The following PRELID2 variants were observed in gnomAD, a reference collection of about 807,000 sequenced individuals.
PRELID2 encodes PRELI domain containing 2.
PRELID2 carries 25 observed loss-of-function variants against 28.4 expected under a neutral mutation model. The ratio of observed to expected loss-of-function variants is 0.88; its 90% CI spans 0.64 to 1.23. The LOEUF (loss-of-function observed/expected upper bound fraction) is 1.23. PRELID2 is among the 50% of genes most tolerant of loss of function. The pLI, the probability that PRELID2 is intolerant of heterozygous loss-of-function variation, is 0.00. For synonymous variants in PRELID2, 76 were observed against 71.6 expected (o/e 1.06, Z -0.31); for missense variants, 201 against 214.4 (o/e 0.94, Z 0.39).
chr5:145,632,529 C>A (rs1443768194), intron 1 of PRELID2, among the ~76,000 whole-genome samples: 1 of 152,100 alleles, frequency 6.6e-6, no homozygotes, highest in East Asian at 1.9e-4. Context: ...AATATCATAT[C>A]ACTTGTGACT....
chr5:145,737,866 A>G (rs1413033990), intron 1 of PRELID2, among the ~76,000 whole-genome samples: 1 of 152,168 alleles, frequency 6.6e-6, no homozygotes, highest in Non-Finnish European at 1.5e-5. Flanking sequence ...CCAGCAGGTA[A>G]TGAGCCCCAC....
At chr5:145,337,635 C>T in the PRELID2 span, among the ~76,000 whole-genome samples, 1 of 144,148 alleles carries the variant, frequency 6.9e-6, no homozygotes, top group Non-Finnish European at 1.5e-5. Flanking sequence ...ATTATAAAGG[C>T]TATTTCAAAG....
the PRELID2 span, among the ~76,000 whole-genome samples, chr5:145,352,675 T>C: frequency 6.6e-6 from 1 of 152,158 alleles, no homozygotes; most frequent in Non-Finnish European, 1.5e-5. Context: ...TTCCAGAAAA[T>C]AGGTTTTTCT....
chr5:145,498,866 C>A (rs1456291222), intron 1 of PRELID2, among the ~76,000 whole-genome samples: 1 of 151,722 alleles, frequency 6.6e-6, no homozygotes, highest in Non-Finnish European at 1.5e-5. Context: ...GTATGAGCCA[C>A]CACACCCGGC....
intron 1 of PRELID2, among the ~76,000 whole-genome samples, chr5:145,614,257 C>T (rs1244326274): frequency 1.3e-5 from 2 of 152,184 alleles, no homozygotes; most frequent in South Asian, 2.1e-4. Context: ...TAGTGTGATG[C>T]CTCCAAATTT....
the PRELID2 span, among the ~76,000 whole-genome samples, chr5:145,321,293 A>T: frequency 6.6e-6 from 1 of 152,232 alleles, no homozygotes; most frequent in Non-Finnish European, 1.5e-5. Context: ...ATTAATGAGA[A>T]AACAGTTTTA....
chr5:145,624,716 T>C (rs1581010353), intron 1 of PRELID2, among the ~76,000 whole-genome samples: 1 of 152,138 alleles, frequency 6.6e-6, no homozygotes, highest in Non-Finnish European at 1.5e-5. Context: ...AAAGCACTAA[T>C]TATAAAAGAG....
chr5:145,679,500 G>C (rs1054955004), intron 1 of PRELID2, among the ~76,000 whole-genome samples: 1 of 152,028 alleles, frequency 6.6e-6, no homozygotes, highest in Admixed American at 6.6e-5. Context: ...TCACTATCTT[G>C]ACTTATCATA....
At chr5:145,513,347 A>T (rs1752482132) in intron 1 of PRELID2, among the ~76,000 whole-genome samples, 1 of 151,956 alleles carries the variant, frequency 6.6e-6, no homozygotes, top group African/African-American at 2.4e-5. Context: ...AGCATACACA[A>T]GTATCAATAG....
At chr5:145,569,891 A>C (rs529836983) in intron 1 of PRELID2, among the ~76,000 whole-genome samples, 2 of 152,310 alleles carry the variant, frequency 1.3e-5, no homozygotes, top group African/African-American at 4.8e-5. Flanking sequence ...TTAGTTTGCT[A>C]GGGCTGCTAT....
chr5:145,434,668 G>A, the PRELID2 span, among the ~76,000 whole-genome samples: 5 of 152,292 alleles, frequency 3.3e-5, no homozygotes, highest in African/African-American at 1.2e-4. Flanking sequence ...GGGCACAGTT[G>A]ACCCCATCCC....
chr5:145,619,760 TA>T (rs1753749540), intron 1 of PRELID2, among the ~76,000 whole-genome samples: 1 of 152,070 alleles, frequency 6.6e-6, no homozygotes, highest in Non-Finnish European at 1.5e-5. Context: ...AATTCAATTT[TA>T]AAAAATAGGT....
In PRELID2 at chr5:145,489,370, T is replaced by C. The variant is rs191115900; in HGVS notation, n.71-16055A>G. On this transcript the variant is annotated intron_variant and non_coding_transcript_variant, in intron 1 of 2. Coordinates refer to the PRELID2 transcript ENST00000510259. Reference sequence around the variant, plus strand: ...CAGCAAACTTTATCCATTTTAGTGATAGTAATACTGTTAATATTAAAAATA... The same window carrying C: ...CAGCAAACTTTATCCATTTTAGTGACAGTAATACTGTTAATATTAAAAATA... 1.4e-3 allele frequency among the ~76,000 whole-genome samples: 211 copies of C among 152,310 alleles called. 2 individuals carry two copies. The highest frequency in any genetic ancestry group is 0.012 in the South Asian group (60 of 4,826).
the PRELID2 span, among the ~76,000 whole-genome samples, chr5:145,399,153 G>A: frequency 6.6e-6 from 1 of 151,982 alleles, no homozygotes; most frequent in African/African-American, 2.4e-5. Flanking sequence ...TATCATTTCT[G>A]TACTCTTCCT....
the PRELID2 span, among the ~76,000 whole-genome samples, chr5:145,298,008 T>C: frequency 6.6e-6 from 1 of 152,052 alleles, no homozygotes; most frequent in African/African-American, 2.4e-5. Context: ...TTCTCATGGG[T>C]AGGAAGAATC....
chr5:145,252,636 A>G, the PRELID2 span, among the ~76,000 whole-genome samples: 1 of 152,248 alleles, frequency 6.6e-6, no homozygotes, highest in African/African-American at 2.4e-5. Flanking sequence ...TACCCAGGAA[A>G]CATATGTGCA....
At chr5:145,697,636 A>G (rs1469393121) in intron 1 of PRELID2, among the ~76,000 whole-genome samples, 1 of 152,162 alleles carries the variant, frequency 6.6e-6, no homozygotes, top group East Asian at 1.9e-4. Context: ...TTCATTACAG[A>G]AAAAGTTTCC....
chr5:145,337,695 A>ATG, the PRELID2 span, among the ~76,000 whole-genome samples: 12 of 18,738 alleles, frequency 6.4e-4, no homozygotes, highest in Non-Finnish European at 8.5e-4. Context: ...AAATATATAT[A>ATG]TATATATATA....
At chr5:145,387,172 C>T in the PRELID2 span, among the ~76,000 whole-genome samples, 1 of 152,140 alleles carries the variant, frequency 6.6e-6, no homozygotes, top group Non-Finnish European at 1.5e-5. Context: ...GTGATACCAT[C>T]AAACCTGAAC....
Sources: allele counts gnomAD v4.1 joint callset (sites outside exome capture counted in the v4.1 genomes callset), GRCh38; gene constraint gnomAD v4.1.1; transcripts MANE v1.5; gene names NCBI Gene and HGNC (gene_info 2026-07-23, HGNC 2026-07-21).